The following SPAG17 variants were observed in gnomAD, a reference collection of about 807,000 sequenced individuals.
The protein encoded by SPAG17 is sperm associated antigen 17.
Under a neutral mutation model 273.6 loss-of-function variants are expected in SPAG17, and 169 were observed. The ratio of observed to expected loss-of-function variants is 0.62; its 90% CI spans 0.55 to 0.70. The LOEUF is 0.70. Among genes scored for constraint, SPAG17 ranks in the 30% least tolerant of loss-of-function variants. The pLI is 0.00. For synonymous variants in SPAG17, 825 were observed against 873.2 expected (o/e 0.94, Z 0.97); for missense variants, 2,557 against 2,627.8 (o/e 0.97, Z 0.59).
chr1:118,155,991 G>A (rs137880540), intron 1 of SPAG17, among the ~76,000 whole-genome samples: 42 of 152,248 alleles, frequency 2.8e-4, no homozygotes, highest in African/African-American at 9.1e-4. Flanking sequence ...GGTTGAAAAT[G>A]TATGTTTAAA....
At chr1:118,142,680 A>C (rs1658745695) in intron 3 of SPAG17, among the ~76,000 whole-genome samples, 1 of 152,214 alleles carries the variant, frequency 6.6e-6, no homozygotes, top group Non-Finnish European at 1.5e-5. Flanking sequence ...ACAGCTTTAT[A>C]AGATAGATAC....
chr1:118,151,526 G>A (rs888044096), intron 1 of SPAG17, among the ~76,000 whole-genome samples, 157 bp from the exon 2 acceptor site: 12 of 152,342 alleles, frequency 7.9e-5, no homozygotes, highest in African/African-American at 2.4e-4. Flanking sequence ...TGAAGTAGCC[G>A]CAAGGCGGCA....
intron 32 of SPAG17, among the ~76,000 whole-genome samples, chr1:118,002,215 C>T (rs374189775): frequency 1.4e-4 from 21 of 152,146 alleles, no homozygotes; most frequent in African/African-American, 5.1e-4. Context: ...TGTTCTTTAA[C>T]ATTTGCTGAG....
chr1:117,961,816 T>C (rs1055391639), intron 48 of SPAG17: 3 of 152,534 alleles, frequency 2.0e-5, no homozygotes, highest in Non-Finnish European at 2.9e-5. Context: ...GGCAAGAGAA[T>C]AGGCAGGCAG....
intron 15 of SPAG17, among the ~76,000 whole-genome samples, chr1:118,080,687 C>T (rs542623082): frequency 6.6e-6 from 1 of 152,290 alleles, no homozygotes; most frequent in East Asian, 1.9e-4. Flanking sequence ...TGCTAGTCTA[C>T]AATGACAGTA....
At chr1:118,136,167 T>A (rs891939859) in intron 3 of SPAG17, among the ~76,000 whole-genome samples, 4 of 152,210 alleles carry the variant, frequency 2.6e-5, no homozygotes, top group African/African-American at 4.8e-5. Context: ...ATTCTTAAAT[T>A]CTTTTTAGGG....
At chr1:118,148,392 C>G (rs1035872980) in intron 3 of SPAG17, among the ~76,000 whole-genome samples, 4 of 152,162 alleles carry the variant, frequency 2.6e-5, no homozygotes, top group African/African-American at 9.7e-5. Context: ...CAAGGGTACA[C>G]GAACCTGCTG....
At chr1:118,113,235 T>C (rs1218262688) in intron 4 of SPAG17, among the ~76,000 whole-genome samples, 4 of 152,162 alleles carry the variant, frequency 2.6e-5, no homozygotes, top group East Asian at 3.8e-4. Context: ...ACTAACCTTG[T>C]AGAAATTTCG....
chr1:118,083,006 G>T (rs978170132), intron 13 of SPAG17, among the ~76,000 whole-genome samples: 1 of 152,036 alleles, frequency 6.6e-6, no homozygotes, highest in Admixed American at 6.6e-5. Flanking sequence ...TCTTATTGTT[G>T]CTTTTTGTTT....
intron 26 of SPAG17, among the ~76,000 whole-genome samples, chr1:118,026,819 T>C (rs1432540493): frequency 6.6e-6 from 1 of 152,176 alleles, no homozygotes; most frequent in Non-Finnish European, 1.5e-5. Flanking sequence ...GTCTAGGCTC[T>C]TTCCTCTTAT....
chr1:118,001,527 C>T (rs992716666), intron 32 of SPAG17, among the ~76,000 whole-genome samples: 3 of 152,208 alleles, frequency 2.0e-5, no homozygotes, highest in Non-Finnish European at 4.4e-5. Flanking sequence ...AGAGATTCAA[C>T]TTCTTCCTGG....
chr1:118,140,969 T>C (rs1165727123), intron 3 of SPAG17, among the ~76,000 whole-genome samples: 1 of 152,192 alleles, frequency 6.6e-6, no homozygotes, highest in African/African-American at 2.4e-5. Flanking sequence ...CTTAGGGTTT[T>C]TGCACCCTCT....
chr1:118,048,807 A>G (rs1355836534), intron 20 of SPAG17, among the ~76,000 whole-genome samples: 2 of 152,106 alleles, frequency 1.3e-5, no homozygotes, highest in East Asian at 3.9e-4. Flanking sequence ...GAGGCACAAG[A>G]ATTGCTTAAA....
intron 30 of SPAG17, among the ~76,000 whole-genome samples, chr1:118,010,799 A>G (rs148351408): frequency 1.1e-4 from 16 of 152,244 alleles, no homozygotes; most frequent in African/African-American, 3.9e-4. Flanking sequence ...GGGAGAAAAT[A>G]TATACAAACT....
intron 48 of SPAG17, among the ~76,000 whole-genome samples, chr1:117,956,758 A>G (rs1652259184): frequency 6.6e-6 from 1 of 152,238 alleles, no homozygotes; most frequent in South Asian, 2.1e-4. Flanking sequence ...TGGACTCAAT[A>G]TATGGTAAAA....
intron 24 of SPAG17, among the ~76,000 whole-genome samples, chr1:118,033,548 C>A (rs1172629654): frequency 1.3e-5 from 2 of 152,184 alleles, no homozygotes; most frequent in East Asian, 3.8e-4. Flanking sequence ...TACCATAGCA[C>A]TTCCAATACC....
chr1:118,088,108 C>A (rs1488017212), intron 10 of SPAG17, among the ~76,000 whole-genome samples: 1 of 152,238 alleles, frequency 6.6e-6, no homozygotes, highest in Admixed American at 6.5e-5. Flanking sequence ...CTGATCATTT[C>A]TTTGACCCAC....
intron 20 of SPAG17, among the ~76,000 whole-genome samples, chr1:118,046,038 A>G (rs1650314168): frequency 6.6e-6 from 1 of 152,190 alleles, no homozygotes. Flanking sequence ...CATGGACTAT[A>G]TAAAACAATT....
chr1:117,956,362 T>C (rs1271108425), intron 48 of SPAG17, among the ~76,000 whole-genome samples: 2 of 152,206 alleles, frequency 1.3e-5, no homozygotes, highest in African/African-American at 4.8e-5. Flanking sequence ...GAGTTTGAAC[T>C]ACTGAAGGCT....
Sources: allele counts gnomAD v4.1 joint callset (sites outside exome capture counted in the v4.1 genomes callset), GRCh38; gene constraint gnomAD v4.1.1; transcripts MANE v1.5; gene names NCBI Gene and HGNC (gene_info 2026-07-23, HGNC 2026-07-21).